CSNK1G1: variants seen among roughly 807,000 people sequenced by gnomAD.
CSNK1G1 encodes the protein casein kinase I isoform gamma-1.
Under a neutral mutation model 59.6 loss-of-function variants are expected in CSNK1G1, and 22 were observed. The observed-to-expected ratio is 0.37, with a 90% CI of 0.26 to 0.53. The LOEUF (loss-of-function observed/expected upper bound fraction) is 0.53. CSNK1G1 is among the 20% of genes least tolerant of loss of function. The probability of loss-of-function intolerance (pLI) is 0.89; values close to 1 mark genes in which losing one functional copy is unlikely to be tolerated. For synonymous variants in CSNK1G1, 179 were observed against 177.1 expected (o/e 1.01, Z -0.08); for missense variants, 384 against 519.5 (o/e 0.74, Z 2.54).
chr15:64,296,157 G>A (rs1373039525), intron 2 of CSNK1G1, among the ~76,000 whole-genome samples: 1 of 152,104 alleles, frequency 6.6e-6, no homozygotes, highest in Non-Finnish European at 1.5e-5. Flanking sequence ...GTCTCACTCT[G>A]TCGCCCAGGC....
chr15:64,180,327 C>A (rs1439383858), intron 11 of CSNK1G1, 21 bp downstream of exon 11: 2 of 1,577,094 alleles, frequency 1.3e-6, no homozygotes, highest in Non-Finnish European at 8.7e-7. Flanking sequence ...ACTTAAGAGC[C>A]CCCTTGAAAG....
intron 2 of CSNK1G1, among the ~76,000 whole-genome samples, chr15:64,282,921 T>C (rs1894221097): frequency 6.6e-6 from 1 of 152,246 alleles, no homozygotes; most frequent in African/African-American, 2.4e-5. Flanking sequence ...TCAAGTCATA[T>C]GCTTACTAGT....
At position 64,279,596 on chromosome 15, in the gene CSNK1G1, AAT is replaced by A. The variant is rs535988615; in HGVS notation, c.182-20357_182-20356del. Among the ~76,000 whole-genome samples the A allele has an allele frequency of 1.6e-3, 247 of 152,290 alleles. 2 individuals carry two copies. Among genetic ancestry groups the A allele is most frequent in the African/African-American group, 5.7e-3 (238 of 41,556 alleles). ...AATAATGCTGCTATGAATATTATTA[AAT>A]ATGTTTCTTGGTGCACATATATATG... On this transcript the variant is annotated intron_variant, in intron 2 of 11. Coordinates refer to ENST00000303052, the MANE Select transcript of CSNK1G1 (RefSeq NM_022048.5).
chr15:64,309,916 C>T (rs1241602297), intron 1 of CSNK1G1, among the ~76,000 whole-genome samples: 6 of 151,628 alleles, frequency 4.0e-5, no homozygotes, highest in African/African-American at 7.3e-5. Flanking sequence ...TCAATACCAG[C>T]TTGGTCAACA....
In CSNK1G1 at chr15:64,200,995, G is replaced by A. The variant is rs2082098977; in HGVS notation, c.1107+2087C>T. 6.6e-6 allele frequency among the ~76,000 whole-genome samples: 1 copy of A among 152,132 alleles called. No homozygotes were observed. The highest frequency in any genetic ancestry group is 1.5e-5 in the Non-Finnish European group (1 of 68,022). On this transcript the variant is annotated intron_variant, in intron 10 of 11. Transcript: ENST00000303052. The surrounding 1 kb of genome is among the most constrained non-coding windows in gnomAD (Gnocchi z 4.3). ...ACTTGATCAAATTGCTTTCTAGCCA[G>A]GCACAGTGGCTCACGCCTGTAATCC... is the stretch of plus-strand genomic sequence containing the variant.
intron 2 of CSNK1G1, among the ~76,000 whole-genome samples, chr15:64,297,642 A>C: frequency 6.6e-6 from 1 of 152,096 alleles, no homozygotes; most frequent in South Asian, 2.1e-4. Flanking sequence ...AGGCTGCGTG[A>C]GCTATGATCA....
intron 10 of CSNK1G1, chr15:64,193,799 C>T (rs988830094): frequency 9.9e-5 from 15 of 152,172 alleles, no homozygotes; most frequent in Non-Finnish European, 4.4e-5. Context: ...AAACTCTGCC[C>T]TATCCTTACA....
intron 4 of CSNK1G1, among the ~76,000 whole-genome samples, chr15:64,234,123 A>C (rs79079416): frequency 0.12 from 18,213 of 152,074 alleles, 1,412 homozygotes; most frequent in South Asian, 0.39. Flanking sequence ...TAACTCACCA[A>C]ATCAGGCACA....
intron 4 of CSNK1G1, among the ~76,000 whole-genome samples, chr15:64,228,494 G>A (rs2082493332): frequency 6.6e-6 from 1 of 151,976 alleles, no homozygotes; most frequent in Non-Finnish European, 1.5e-5. Flanking sequence ...GAATTAGCTG[G>A]GCGTGGTGGC....
chr15:64,298,875 C>CA (rs538363993), intron 2 of CSNK1G1, among the ~76,000 whole-genome samples: 5,659 of 127,702 alleles, frequency 0.044, 327 homozygotes, highest in African/African-American at 0.14. Flanking sequence ...CACAAAAATA[C>CA]AAAAAAAAAA....
At chr15:64,262,274 CACATGATATAGTGAGTGTTAAA>C (rs1027877146) in intron 2 of CSNK1G1, among the ~76,000 whole-genome samples, 2 of 152,136 alleles carry the variant, frequency 1.3e-5, no homozygotes, top group Admixed American at 6.5e-5. Context: ...TCAAATAAAT[CACATGATATAGTGAGTGTTAAA>C]ACAGAAATAC....
At chr15:64,263,114 A>G (rs1433796083) in intron 2 of CSNK1G1, among the ~76,000 whole-genome samples, 1 of 151,590 alleles carries the variant, frequency 6.6e-6, no homozygotes, top group Non-Finnish European at 1.5e-5. Context: ...GAGTTCAAAG[A>G]AATCCTGGGC....
chr15:64,295,385 G>T (rs1596236448), intron 2 of CSNK1G1, among the ~76,000 whole-genome samples: 1 of 152,176 alleles, frequency 6.6e-6, no homozygotes, highest in Non-Finnish European at 1.5e-5. Flanking sequence ...GTCTCTTCAA[G>T]CTGGCACATT....
rs754415728 is a variant in CSNK1G1, at chr15:64,194,762, G to A, written c.1107+8320C>T. On this transcript the variant is annotated intron_variant, in intron 10 of 11. Coordinates refer to ENST00000303052, the MANE Select transcript of CSNK1G1 (RefSeq NM_022048.5). ...AACTCCTGGCCTCAGGTGATCCACC[G>A]CCTTAGCTTCCCAAAGTGCAGGTGT... Among the ~76,000 whole-genome samples the A allele has an allele frequency of 3.3e-5, 5 of 151,970 alleles. No homozygotes were observed. The South Asian group carries it at 1.0e-3, about 32-fold the overall frequency.
intron 4 of CSNK1G1, among the ~76,000 whole-genome samples, chr15:64,229,032 A>AG (rs1426629203): frequency 1.3e-5 from 2 of 151,854 alleles, no homozygotes; most frequent in African/African-American, 4.8e-5. Flanking sequence ...AAAAAAAAAA[A>AG]AAAAAAGAAA....
At position 64,171,939 on chromosome 15, in the gene CSNK1G1, G is replaced by A. The variant is rs762632852; in HGVS notation, c.1261C>T (p.His421Tyr). Residue 421 changes from histidine to tyrosine, a missense_variant, in exon 12 of 12, where the codon CAC becomes TAC. By Grantham distance (83) the His-to-Tyr change is moderately conservative. Transcript: ENST00000303052. The surrounding 1 kb of genome is among the most constrained non-coding windows in gnomAD (Gnocchi z 4.8). ...CTCCTGGGAGGCACTGGTCACTTGT[G>A]GCGCTGAGCAGTCTTCTTCCTTTTC... ...KRKRKKTAQR[H>Y]K The A allele has an allele frequency of 5.5e-5, 88 of 1,613,964 alleles. No homozygotes were observed. Among genetic ancestry groups the A allele is most frequent in the Non-Finnish European group, 7.3e-5 (86 of 1,179,946 alleles).
At chr15:64,251,938 G>A (rs1892110205) in intron 3 of CSNK1G1, among the ~76,000 whole-genome samples, 2 of 152,078 alleles carry the variant, frequency 1.3e-5, no homozygotes, top group South Asian at 4.1e-4. Context: ...GTTTTGTTCA[G>A]AATTTTGGGT....
intron 1 of CSNK1G1, among the ~76,000 whole-genome samples, chr15:64,300,928 T>C (rs1017230207): frequency 4.6e-5 from 7 of 152,296 alleles, no homozygotes; most frequent in South Asian, 2.1e-4. Flanking sequence ...CTGCAAACCA[T>C]AGAAGCTACA....
chr15:64,266,386 T>C (rs1892989362), intron 2 of CSNK1G1, among the ~76,000 whole-genome samples: 1 of 151,770 alleles, frequency 6.6e-6, no homozygotes, highest in South Asian at 2.1e-4. Context: ...CCTGACCTTG[T>C]CTCTTAAAAA....
Sources: gnomAD v4.1 joint callset for allele counts (sites outside exome capture counted in the v4.1 genomes callset) on GRCh38, gnomAD v4.1.1 for gene constraint, Gnocchi (gnomAD v3.1) non-coding constraint, MANE v1.5 for transcripts, NCBI Gene and HGNC (gene_info 2026-07-23, HGNC 2026-07-21) for gene names.